The following MYO1B variants were observed in gnomAD, a reference collection of about 807,000 sequenced individuals.
MYO1B encodes the protein unconventional myosin-Ib.
Under a neutral mutation model 159.7 loss-of-function variants are expected in MYO1B, and 72 were observed. The observed-to-expected ratio is 0.45, with a 90% CI of 0.37 to 0.55. MYO1B has a LOEUF of 0.55. MYO1B is among the 20% of genes least tolerant of loss of function. MYO1B has a pLI of 0.00. For missense variants in MYO1B, 1,062 were observed against 1,364.8 expected (o/e 0.78, Z 3.50); for synonymous variants, 468 against 473.8 (o/e 0.99, Z 0.16).
rs557909485 is a variant in MYO1B at position 191,348,190 on chromosome 2, G to T, written c.498+1908G>T. Among the ~76,000 whole-genome samples, 5 of 152,224 alleles carry T rather than the reference G, an allele frequency of 3.3e-5. No homozygotes were observed. The South Asian group carries it at 1.0e-3, about 32-fold the overall frequency. On this transcript the variant is annotated intron_variant, in intron 6 of 30. Coordinates refer to ENST00000392318, the MANE Select transcript of MYO1B (RefSeq NM_001130158.3). Reference sequence around the variant, plus strand: ...AATTCTCAGGGCTGGCCACTCATTGGTTTATCCCTGGTTGTCTTCCTTTTC... The same window carrying T: ...AATTCTCAGGGCTGGCCACTCATTGTTTTATCCCTGGTTGTCTTCCTTTTC...
intron 4 of MYO1B, among the ~76,000 whole-genome samples, chr2:191,332,949 A>G (rs946906848): frequency 5.9e-5 from 9 of 152,206 alleles, no homozygotes; most frequent in African/African-American, 2.2e-4. Context: ...AATGGCTGCC[A>G]TACAGTAGGT....
In MYO1B at chr2:191,263,258, T is replaced by TATAA. The variant is rs1226272178; in HGVS notation, c.-9-13629_-9-13628insATAA. ...ATTGACCTACTTTCCCCTTCTTATC[T>TATAA]GCTTGCAAAATATTTGTTGTACTTA... On this transcript the variant is annotated intron_variant, in intron 1 of 30. Coordinates refer to ENST00000392318, the MANE Select transcript of MYO1B (RefSeq NM_001130158.3). 6 of 941,670 alleles carry TATAA rather than the reference T, an allele frequency of 6.4e-6. No homozygotes were observed. In the African/African-American group the frequency reaches 1.1e-4, roughly 17 times the overall value. 58.3% of individuals were successfully genotyped at this position (941,670 alleles called of 1,614,324 possible).
intron 18 of MYO1B, 55 bp downstream of exon 18, chr2:191,390,547 A>G (rs1695685399): frequency 8.4e-6 from 13 of 1,540,338 alleles, no homozygotes; most frequent in African/African-American, 1.4e-5. Context: ...GTCAAATAAT[A>G]CGGTGTTTTT....
intron 7 of MYO1B, among the ~76,000 whole-genome samples, chr2:191,356,219 C>T (rs1693269287): frequency 6.6e-6 from 1 of 151,986 alleles, no homozygotes; most frequent in Non-Finnish European, 1.5e-5. Flanking sequence ...GGTCAGTTCT[C>T]AGTAGTGAGT....
At chr2:191,292,916 C>T (rs899313402) in intron 2 of MYO1B, among the ~76,000 whole-genome samples, 2 of 152,222 alleles carry the variant, frequency 1.3e-5, no homozygotes, top group Non-Finnish European at 2.9e-5. Context: ...CTGCTAGTCT[C>T]ACCTGGAATC....
At chr2:191,374,453 C>T (rs908497405) in intron 13 of MYO1B, among the ~76,000 whole-genome samples, 2 of 152,108 alleles carry the variant, frequency 1.3e-5, no homozygotes, top group East Asian at 1.9e-4. Context: ...TAAAAAAATG[C>T]GTCTAGTTGT....
At chr2:191,379,399 C>G (rs973718753) in intron 13 of MYO1B, 1 of 152,602 alleles carries the variant, frequency 6.6e-6, no homozygotes, top group Non-Finnish European at 1.5e-5. Flanking sequence ...AGAATCCATA[C>G]AGGAATTTTT....
chr2:191,350,253 A>G (rs767143714), intron 7 of MYO1B, 28 bp downstream of exon 7: 2 of 1,529,086 alleles, frequency 1.3e-6, no homozygotes, highest in Admixed American at 1.7e-5. Context: ...GTCCTTGTAA[A>G]GAAGTTCAGA....
chr2:191,250,890 G>A (rs1686070959), intron 1 of MYO1B, among the ~76,000 whole-genome samples: 2 of 152,172 alleles, frequency 1.3e-5, no homozygotes, highest in African/African-American at 4.8e-5. Flanking sequence ...TGAGTACTTT[G>A]ATGCTTTGGT....
In MYO1B at chr2:191,287,829, C is replaced by T. The variant is rs528079953; in HGVS notation, c.136-8282C>T. ...TTTGGACTCAAGCTCAGACTGCTTA[C>T]GTGAAGTTCAAAGGCTCTCTACAGT... On this transcript the variant is annotated intron_variant, in intron 2 of 30. Transcript: ENST00000392318. 1.9e-4 allele frequency among the ~76,000 whole-genome samples: 29 copies of T among 151,488 alleles called. No individual in the cohort carries two copies. In the South Asian group the frequency reaches 5.8e-3, roughly 31 times the overall value.
chr2:191,368,561 C>T (rs1357772543), intron 11 of MYO1B, among the ~76,000 whole-genome samples: 1 of 152,226 alleles, frequency 6.6e-6, no homozygotes, highest in African/African-American at 2.4e-5. Context: ...CATATGTCTT[C>T]TGCCTCTTTG....
intron 1 of MYO1B, among the ~76,000 whole-genome samples, chr2:191,253,687 A>C (rs1381617796): frequency 6.6e-6 from 1 of 152,234 alleles, no homozygotes; most frequent in African/African-American, 2.4e-5. Context: ...TATTTGCGTC[A>C]GTTGACACAT....
At chr2:191,372,327 A>G (rs1694412653) in intron 13 of MYO1B, among the ~76,000 whole-genome samples, 1 of 152,214 alleles carries the variant, frequency 6.6e-6, no homozygotes, top group African/African-American at 2.4e-5. Context: ...AAAATAGGAT[A>G]ATGAGGTTAT....
At chr2:191,363,102 G>A (rs189654091) in intron 9 of MYO1B, among the ~76,000 whole-genome samples, 7 of 152,232 alleles carry the variant, frequency 4.6e-5, no homozygotes, top group Admixed American at 4.6e-4. Context: ...AAAGCCAGCT[G>A]TTCTCAAAAA....
chr2:191,334,548 G>A (rs1238215625), intron 4 of MYO1B, among the ~76,000 whole-genome samples: 8 of 151,952 alleles, frequency 5.3e-5, no homozygotes, highest in African/African-American at 1.2e-4. Context: ...TTGTTCTATT[G>A]GTTTCAGTGC....
intron 3 of MYO1B, among the ~76,000 whole-genome samples, chr2:191,304,922 G>A (rs1037164539): frequency 2.0e-5 from 3 of 152,086 alleles, no homozygotes; most frequent in Non-Finnish European, 2.9e-5. Context: ...CGGCATACAC[G>A]ATAATTTCAG....
chr2:191,384,491 A>G (rs1431598932), intron 15 of MYO1B, among the ~76,000 whole-genome samples: 1 of 152,236 alleles, frequency 6.6e-6, no homozygotes, highest in African/African-American at 2.4e-5. Flanking sequence ...ATTAAACAAT[A>G]TTCTAAGGCA....
intron 4 of MYO1B, among the ~76,000 whole-genome samples, chr2:191,337,371 T>C (rs943813592): frequency 2.0e-5 from 3 of 152,198 alleles, no homozygotes; most frequent in Non-Finnish European, 4.4e-5. Flanking sequence ...CAGAATTCAA[T>C]TAGTTATTCT....
intron 6 of MYO1B, among the ~76,000 whole-genome samples, chr2:191,347,648 A>G (rs1389403852): frequency 6.6e-6 from 1 of 152,230 alleles, no homozygotes; most frequent in African/African-American, 2.4e-5. Flanking sequence ...GAGAAATCCT[A>G]TTATAACACG....
Sources: gnomAD v4.1 joint callset for allele counts (sites outside exome capture counted in the v4.1 genomes callset) on GRCh38, gnomAD v4.1.1 for gene constraint, MANE v1.5 for transcripts, NCBI Gene and HGNC (gene_info 2026-07-23, HGNC 2026-07-21) for gene names.